DSCAM: variants seen among roughly 807,000 people sequenced by gnomAD.
DSCAM encodes cell adhesion molecule DSCAM.
DSCAM carries 47 observed loss-of-function variants against 217.7 expected under a neutral mutation model. The observed-to-expected ratio is 0.22, with a 90% CI of 0.17 to 0.28. The LOEUF (loss-of-function observed/expected upper bound fraction) is 0.28, where lower values mean the gene tolerates loss of function less well. DSCAM is among the 10% of genes least tolerant of loss of function. The pLI, the probability that DSCAM is intolerant of heterozygous loss-of-function variation, is 1.00. For missense variants in DSCAM, 2,080 were observed against 2,618.3 expected (o/e 0.79, Z 4.49); for synonymous variants, 1,056 against 1,015.3 (o/e 1.04, Z -0.76).
At chr21:40,828,698 C>G (rs1011803099) in intron 1 of DSCAM, among the ~76,000 whole-genome samples, 23 of 151,580 alleles carry the variant, frequency 1.5e-4, no homozygotes, top group African/African-American at 7.3e-5. Context: ...CTCTGTCACC[C>G]AGGCTGGGGT....
chr21:40,602,966 T>C (rs563665586), intron 3 of DSCAM, among the ~76,000 whole-genome samples: 6 of 68 alleles, frequency 0.088, no homozygotes, highest in African/African-American at 0.27. Flanking sequence ...ATGCATTCAA[T>C]GTTATAAGTT....
intron 3 of DSCAM, among the ~76,000 whole-genome samples, chr21:40,609,684 C>CTGAAT (rs2089288394): frequency 6.6e-6 from 1 of 152,076 alleles, no homozygotes; most frequent in Non-Finnish European, 1.5e-5. Context: ...ATTGTTAGGA[C>CTGAAT]TGAATTGTTG....
chr21:40,830,475 A>G (rs2092003933), intron 1 of DSCAM, among the ~76,000 whole-genome samples: 1 of 152,324 alleles, frequency 6.6e-6, no homozygotes, highest in East Asian at 1.9e-4. Context: ...TATCCAAGCT[A>G]TATCACCACT....
chr21:40,305,188 G>A (rs886466860), intron 9 of DSCAM, among the ~76,000 whole-genome samples: 9 of 152,120 alleles, frequency 5.9e-5, no homozygotes, highest in Admixed American at 4.6e-4. Context: ...CCAGGAGTTC[G>A]AGACCAGCCT....
chr21:40,662,331 G>A (rs2090147604), intron 3 of DSCAM, among the ~76,000 whole-genome samples: 1 of 151,832 alleles, frequency 6.6e-6, no homozygotes, highest in Non-Finnish European at 1.5e-5. Context: ...TGACAGACAT[G>A]CCAGCCTTAA....
At chr21:40,257,423 T>C in intron 11 of DSCAM, among the ~76,000 whole-genome samples, 1 of 151,264 alleles carries the variant, frequency 6.6e-6, no homozygotes, top group Non-Finnish European at 1.5e-5. Context: ...TGGTTGAATC[T>C]ATGAGTGTGG....
At chr21:40,147,153 A>C (rs1012596962) in intron 16 of DSCAM, among the ~76,000 whole-genome samples, 9 of 152,230 alleles carry the variant, frequency 5.9e-5, no homozygotes, top group Non-Finnish European at 1.3e-4. Flanking sequence ...TAAGACAGCA[A>C]GTTGGATTCA....
chr21:40,084,031 A>G, intron 23 of DSCAM, 25 bp from the exon 24 acceptor site: 1 of 1,581,000 alleles, frequency 6.3e-7, no homozygotes, highest in Admixed American at 1.8e-5. Context: ...GTTTTTAGAA[A>G]ACAAGAATTA....
chr21:40,187,688 T>C (rs2090910088), intron 13 of DSCAM, among the ~76,000 whole-genome samples: 1 of 152,220 alleles, frequency 6.6e-6, no homozygotes, highest in Non-Finnish European at 1.5e-5. Flanking sequence ...AAGGGCTTCG[T>C]TCCCTGTTTG....
intron 19 of DSCAM, among the ~76,000 whole-genome samples, chr21:40,128,342 C>T (rs544510535): frequency 2.0e-5 from 3 of 151,590 alleles, no homozygotes; most frequent in Admixed American, 6.6e-5. Context: ...AGTGTATGTG[C>T]CTGGGTGATT....
chr21:40,113,110 C>G (rs2089921265), intron 20 of DSCAM, among the ~76,000 whole-genome samples: 1 of 151,864 alleles, frequency 6.6e-6, no homozygotes, highest in South Asian at 2.1e-4. Flanking sequence ...AGAGACACAA[C>G]AAAAAAAGGG....
chr21:40,497,074 C>T (rs192622565), intron 3 of DSCAM, among the ~76,000 whole-genome samples: 1 of 152,210 alleles, frequency 6.6e-6, no homozygotes, highest in East Asian at 1.9e-4. Flanking sequence ...TTTTTGGAAA[C>T]AGTATAGAGG....
chr21:40,734,555 A>G (rs1203866255), intron 1 of DSCAM, among the ~76,000 whole-genome samples: 1 of 152,196 alleles, frequency 6.6e-6, no homozygotes, highest in Non-Finnish European at 1.5e-5. Flanking sequence ...TGTGTAAATC[A>G]CTGCACTTTC....
chr21:40,045,475 G>A (rs148436125), intron 30 of DSCAM, among the ~76,000 whole-genome samples: 3 of 152,278 alleles, frequency 2.0e-5, no homozygotes, highest in African/African-American at 4.8e-5. Context: ...TGGGGTGGAC[G>A]GAGTTCTTAG....
intron 4 of DSCAM, among the ~76,000 whole-genome samples, chr21:40,355,699 T>C (rs1374565755): frequency 6.6e-6 from 1 of 152,218 alleles, no homozygotes; most frequent in Admixed American, 6.5e-5. Context: ...TTCTTGTCTT[T>C]GCCTCAGTGA....
intron 3 of DSCAM, among the ~76,000 whole-genome samples, chr21:40,518,377 TA>T (rs2076321135): frequency 1.3e-4 from 1 of 7,912 alleles, no homozygotes; most frequent in African/African-American, 1.0e-3. Context: ...ATATAATATA[TA>T]TATAATATAT....
At chr21:40,314,153 C>T (rs188295647) in intron 8 of DSCAM, among the ~76,000 whole-genome samples, 6 of 152,250 alleles carry the variant, frequency 3.9e-5, no homozygotes, top group South Asian at 2.1e-4. Flanking sequence ...AGCCATAGGC[C>T]GCAGACAGCA....
At chr21:40,439,842 G>C (rs1036814187) in intron 3 of DSCAM, among the ~76,000 whole-genome samples, 2 of 152,030 alleles carry the variant, frequency 1.3e-5, no homozygotes, top group Admixed American at 1.3e-4. Flanking sequence ...ACAAGATCAC[G>C]AGAACAGCAT....
chr21:40,232,535 G>A (rs200126081), intron 11 of DSCAM, among the ~76,000 whole-genome samples: 1 of 152,062 alleles, frequency 6.6e-6, no homozygotes, highest in East Asian at 1.9e-4. Context: ...ATCCCTAAAG[G>A]TGCCCGGAAA....
Sources: allele counts gnomAD v4.1 joint callset (sites outside exome capture counted in the v4.1 genomes callset), GRCh38; gene constraint gnomAD v4.1.1; transcripts MANE v1.5; gene names NCBI Gene and HGNC (gene_info 2026-07-23, HGNC 2026-07-21).